Variants in CXCL12 observed in about 807,000 individuals in gnomAD.
CXCL12 encodes the protein C-X-C motif chemokine ligand 12, also known as stromal cell-derived factor 1.
Under a neutral mutation model 10.7 loss-of-function variants are expected in CXCL12, and 4 were observed. That is an observed-to-expected ratio of 0.37 (90% confidence interval 0.18 to 0.86). The LOEUF is 0.86. Ranked by LOEUF, CXCL12 falls within the 40% of genes least tolerant of loss-of-function variation. The pLI is 0.43. For missense variants in CXCL12, 122 were observed against 110.4 expected (o/e 1.10, Z -0.47); for synonymous variants, 54 against 45.4 (o/e 1.19, Z -0.77).
At chr10:44,376,309 G>T (rs1310009129), downstream of CXCL12, among the ~76,000 whole-genome samples, 1 of 152,232 alleles carries the variant, frequency 6.6e-6, no homozygotes, top group Non-Finnish European at 1.5e-5. Context: ...TCCCACTGGG[G>T]ACAAGGAATC....
At chr10:44,374,988 A>G (rs1396655430), downstream of CXCL12, among the ~76,000 whole-genome samples, 1 of 152,184 alleles carries the variant, frequency 6.6e-6, no homozygotes, top group Non-Finnish European at 1.5e-5. Flanking sequence ...CCTAGAGCTT[A>G]AGTGGTATTT....
chr10:44,375,064 A>G (rs1172561332), downstream of CXCL12, among the ~76,000 whole-genome samples: 1 of 152,212 alleles, frequency 6.6e-6, no homozygotes, highest in Non-Finnish European at 1.5e-5. Flanking sequence ...CAGCTGGAGC[A>G]CACGCCATCA....
downstream of CXCL12, among the ~76,000 whole-genome samples, chr10:44,373,789 C>A (rs1387870893): frequency 1.3e-5 from 2 of 152,196 alleles, no homozygotes; most frequent in Middle Eastern, 3.2e-3. Context: ...CAGCCAGGGG[C>A]CATGCCACCG....
chr10:44,374,758 C>T (rs1422535877), downstream of CXCL12: 1 of 440,156 alleles, frequency 2.3e-6, no homozygotes, highest in South Asian at 1.6e-5. Flanking sequence ...ACCACTTTCT[C>T]TTTCTGCATT....
chr10:44,383,640 A>G (rs1408295387), intron 1 of CXCL12, among the ~76,000 whole-genome samples: 1 of 136,340 alleles, frequency 7.3e-6, no homozygotes, highest in African/African-American at 2.9e-5. Context: ...GTGCAGACAC[A>G]GCCTCAGGGA....
At chr10:44,383,344 T>C (rs60357795) in intron 1 of CXCL12, among the ~76,000 whole-genome samples, 7,392 of 152,232 alleles carry the variant, frequency 0.049, 223 homozygotes, top group African/African-American at 0.084. Context: ...CATGTCACCC[T>C]TCCCAGGCCA....
intron 2 of CXCL12, among the ~76,000 whole-genome samples, chr10:44,380,060 T>C (rs183214583): frequency 6.6e-5 from 10 of 152,340 alleles, no homozygotes; most frequent in Non-Finnish European, 1.2e-4. Flanking sequence ...GGAGACTCCC[T>C]GAGCCCTCGC....
chr10:44,377,060 T>C, downstream of CXCL12: 1 of 984,650 alleles, frequency 1.0e-6, no homozygotes, highest in Non-Finnish European at 1.2e-6. Context: ...CAGAAACGTC[T>C]ATAAGCTCCA....
chr10:44,380,145 C>T lies in CXCL12; in HGVS notation c.179+618G>A, dbSNP rs1424524130. ...CACATGGCTTTCTTCCCGCATTTCT[C>T]CCGGTCTTCTGTACCCAGCTGAGAT... On this transcript the variant is annotated intron_variant, in intron 2 of 2. Coordinates refer to ENST00000343575, the MANE Select transcript of CXCL12 (RefSeq NM_199168.4). 2.6e-5 allele frequency among the ~76,000 whole-genome samples: 4 copies of T among 152,202 alleles called. No homozygotes were observed. The East Asian group carries it at 7.7e-4, about 29-fold the overall frequency.
chr10:44,372,994 C>T (rs1839351837), downstream of CXCL12: 1 of 1,535,920 alleles, frequency 6.5e-7, no homozygotes, highest in South Asian at 1.2e-5. Context: ...CCCAGTCTCC[C>T]CACCTGCACA....
chr10:44,375,973 T>G, downstream of CXCL12: 6 of 1,613,658 alleles, frequency 3.7e-6, no homozygotes, highest in Non-Finnish European at 5.1e-6. Context: ...CTTTCTCTTC[T>G]TCTGTCGCTT....
intron 1 of CXCL12, among the ~76,000 whole-genome samples, chr10:44,381,807 C>CT (rs1401315783): frequency 6.6e-6 from 1 of 152,130 alleles, no homozygotes; most frequent in Admixed American, 6.5e-5. Context: ...ATTATTTGAA[C>CT]TTGTGGATCC....
chr10:44,379,231 G>A (rs538011512), intron 2 of CXCL12, among the ~76,000 whole-genome samples: 1 of 152,128 alleles, frequency 6.6e-6, no homozygotes, highest in African/African-American at 2.4e-5. Context: ...GGAGGAAGGA[G>A]GCCTGCCAGA....
At chr10:44,381,391 A>G (rs1180229796) in intron 1 of CXCL12, among the ~76,000 whole-genome samples, 1 of 150,758 alleles carries the variant, frequency 6.6e-6, no homozygotes, top group Non-Finnish European at 1.5e-5. Flanking sequence ...GCCCTCCCCC[A>G]CCCCAGAGAC....
chr10:44,385,075 C>G lies in CXCL12; in HGVS notation c.-70G>C. 1 of 1,215,800 alleles carries G rather than the reference C, an allele frequency of 8.2e-7. No individual in the cohort carries two copies. Among genetic ancestry groups the G allele is most frequent in the Non-Finnish European group, 1.1e-6 (1 of 907,952 alleles). 75.3% of individuals were successfully genotyped at this position (1,215,800 alleles called of 1,614,324 possible). On this transcript the variant is annotated 5_prime_UTR_variant, in exon 1 of 3. Coordinates refer to ENST00000343575, the MANE Select transcript of CXCL12 (RefSeq NM_199168.4). ...GCCGGACGCCGAGCGGGCAATGCGG[C>G]TGACGGAGAGTGAAAGTGCGGCGGT...
rs527861049 is a variant in CXCL12, at chr10:44,378,138, G to A, written c.*495C>T. 1.8e-4 allele frequency: 257 copies of A among 1,436,486 alleles called. 3 individuals carry two copies. The South Asian group carries it at 2.9e-3, about 16-fold the overall frequency. The allele number at this position is 1,436,486 out of a possible 1,614,324, so 89.0% of individuals were successfully genotyped here. On this transcript the variant is annotated 3_prime_UTR_variant, in exon 3 of 3. Coordinates refer to ENST00000343575, the MANE Select transcript of CXCL12 (RefSeq NM_199168.4). The stretch of plus-strand genomic sequence containing the variant: ...TTCCTCTTGGGAGGGGCGCTGCTGC[G>A]GGAGCCTCAGTGTCTGAAGAAAGGA...
chr10:44,374,351 G>A, downstream of CXCL12: 4 of 428,872 alleles, frequency 9.3e-6, no homozygotes, highest in South Asian at 4.9e-5. Flanking sequence ...TGCCCTCTCG[G>A]GGCGCTTTTG....
Position 44,385,041 on chromosome 10 carries a change from G to A in CXCL12, c.-36C>T. On this transcript the variant is annotated 5_prime_UTR_variant, in exon 1 of 3. Coordinates refer to ENST00000343575, the MANE Select transcript of CXCL12 (RefSeq NM_199168.4). ...GGCGGGCGGGCGGGCGGACGAGCGC[G>A]GGTCGGGGGCCGGACGCCGAGCGGG... 2.1e-6 allele frequency: 3 copies of A among 1,425,022 alleles called. No homozygotes were observed. The highest frequency in any genetic ancestry group is 2.9e-5 in the East Asian group (1 of 34,020). The allele number at this position is 1,425,022 out of a possible 1,614,324, so 88.3% of individuals were successfully genotyped here.
chr10:44,383,250 G>A (rs1839686006), intron 1 of CXCL12, among the ~76,000 whole-genome samples: 1 of 152,178 alleles, frequency 6.6e-6, no homozygotes, highest in Admixed American at 6.5e-5. Flanking sequence ...AAAACATTCT[G>A]GCGATGTGTG....
Sources: gnomAD v4.1 joint callset for allele counts (sites outside exome capture counted in the v4.1 genomes callset) on GRCh38, gnomAD v4.1.1 for gene constraint, MANE v1.5 for transcripts, NCBI Gene and HGNC (gene_info 2026-07-23, HGNC 2026-07-21) for gene names.